The following CLIC5 variants were observed in gnomAD, a reference collection of about 807,000 sequenced individuals.
CLIC5 encodes chloride intracellular channel protein 5.
Under a neutral mutation model 24.7 loss-of-function variants are expected in CLIC5, and 20 were observed. The ratio of observed to expected loss-of-function variants is 0.81; its 90% confidence interval spans 0.57 to 1.18. The LOEUF (loss-of-function observed/expected upper bound fraction) is 1.18. Among genes scored for constraint, CLIC5 ranks in the 50% most tolerant of loss-of-function variants. The pLI, the probability that CLIC5 is intolerant of heterozygous loss-of-function variation, is 0.00. For missense variants in CLIC5, 341 were observed against 326.1 expected, an observed-to-expected ratio of 1.05 and a Z score of -0.35; for synonymous variants, 159 against 135.6, an observed-to-expected ratio of 1.17 and a Z score of -1.20.
chr6:45,933,748 G>A (rs185189691), intron 4 of CLIC5, among the ~76,000 whole-genome samples: 24 of 152,368 alleles, frequency 1.6e-4, no homozygotes, highest in Non-Finnish European at 2.8e-4. Flanking sequence ...CCCATGTGCT[G>A]GGTGGACAGA....
downstream of CLIC5, among the ~76,000 whole-genome samples, chr6:45,898,098 G>T (rs1031567004): frequency 6.6e-6 from 1 of 151,720 alleles, no homozygotes; most frequent in Non-Finnish European, 1.5e-5. Flanking sequence ...AGGGAGTCTC[G>T]CTCTGTCGGT....
chr6:45,949,419 A>G, intron 2 of CLIC5, 38 bp from the exon 3 acceptor site: 1 of 1,599,546 alleles, frequency 6.3e-7, no homozygotes, highest in African/African-American at 1.3e-5. Flanking sequence ...GGCTTACAGC[A>G]GGGTGCTTCC....
intron 1 of CLIC5, among the ~76,000 whole-genome samples, chr6:46,071,126 G>A (rs1475836527): frequency 6.6e-6 from 1 of 152,054 alleles, no homozygotes; most frequent in African/African-American, 2.4e-5. Flanking sequence ...AAAAACCTTG[G>A]AAGACAACCT....
At chr6:46,031,530 A>T (rs185236791) in intron 1 of CLIC5, among the ~76,000 whole-genome samples, 95 of 152,250 alleles carry the variant, frequency 6.2e-4, no homozygotes, top group African/African-American at 2.2e-3. Flanking sequence ...AATTGTGGGT[A>T]AGTCTGCAAT....
At chr6:45,985,491 C>T (rs955517759) in intron 1 of CLIC5, among the ~76,000 whole-genome samples, 4 of 152,130 alleles carry the variant, frequency 2.6e-5, no homozygotes. Context: ...CGATGCAGTG[C>T]AACAGTGAAG....
the CLIC5 span, among the ~76,000 whole-genome samples, chr6:46,109,596 T>C: frequency 6.9e-6 from 1 of 144,808 alleles, no homozygotes; most frequent in African/African-American, 2.6e-5. Flanking sequence ...TCAAAGCAAG[T>C]ATGAATTACA....
chr6:46,109,107 G>T, the CLIC5 span, among the ~76,000 whole-genome samples: 1 of 152,022 alleles, frequency 6.6e-6, no homozygotes, highest in Non-Finnish European at 1.5e-5. Flanking sequence ...ATTGTTGTAT[G>T]CCACTGGAAT....
chr6:45,913,660 G>A, intron 5 of CLIC5: 1 of 579,914 alleles, frequency 1.7e-6, no homozygotes, highest in Non-Finnish European at 2.5e-6. Context: ...TTATATAGGA[G>A]AGGATGACAC....
At chr6:46,099,727 C>A in the CLIC5 span, among the ~76,000 whole-genome samples, 1 of 152,240 alleles carries the variant, frequency 6.6e-6, no homozygotes, top group South Asian at 2.1e-4. Flanking sequence ...AAAATGTATA[C>A]TCTTGCCCAC....
chr6:45,913,861 AG>A, intron 5 of CLIC5: 2 of 1,193,642 alleles, frequency 1.7e-6, no homozygotes, highest in Non-Finnish European at 2.1e-6. Flanking sequence ...ATAGAGCTGT[AG>A]GGGTGTAGCC....
At chr6:45,922,729 G>C (rs1036046932) in intron 4 of CLIC5, among the ~76,000 whole-genome samples, 1 of 151,990 alleles carries the variant, frequency 6.6e-6, no homozygotes, top group South Asian at 2.1e-4. Flanking sequence ...TTAGGTCTTC[G>C]AATTAAGTTT....
chr6:45,941,417 A>T (rs1764126307), intron 4 of CLIC5, 130 bp downstream of exon 4: 4 of 734,356 alleles, frequency 5.4e-6, no homozygotes, highest in Non-Finnish European at 9.7e-6. Flanking sequence ...GGTGGGGGCA[A>T]ATAATAAGCA....
intron 1 of CLIC5, among the ~76,000 whole-genome samples, chr6:46,065,578 A>G (rs1443355151): frequency 6.6e-6 from 1 of 152,216 alleles, no homozygotes; most frequent in African/African-American, 2.4e-5. Context: ...ACAATGGAAT[A>G]CAACTCAGTA....
chr6:46,119,895 C>T, the CLIC5 span, among the ~76,000 whole-genome samples: 1 of 152,302 alleles, frequency 6.6e-6, no homozygotes, highest in South Asian at 2.1e-4. Context: ...GAGGGGTGCC[C>T]ACCACTGTGA....
At position 45,977,930 on chromosome 6, in the gene CLIC5, C is replaced by T. The variant is rs934263422; in HGVS notation, c.64-22686G>A. Among the ~76,000 whole-genome samples the T allele has an allele frequency of 4.6e-5, 7 of 152,306 alleles. 1 individual carries two copies. Among genetic ancestry groups the T allele is most frequent in the African/African-American group, 1.2e-4 (5 of 41,582 alleles). ...GGATGCCCAGTGGGTTTCCACTCAG[C>T]GTCTTTCCCTGTAGCTTGCTGCAGT... On this transcript the variant is annotated intron_variant, in intron 1 of 5. Coordinates refer to ENST00000339561, the MANE Select transcript of CLIC5 (RefSeq NM_016929.5).
intron 5 of CLIC5, chr6:45,911,774 G>C (rs1412013839): frequency 3.0e-6 from 3 of 985,288 alleles, no homozygotes; most frequent in Non-Finnish European, 3.6e-6. Context: ...CACTATGCTA[G>C]GCAAGGATCC....
chr6:45,925,604 C>T (rs138985172), intron 4 of CLIC5, among the ~76,000 whole-genome samples: 10 of 152,332 alleles, frequency 6.6e-5, no homozygotes, highest in Non-Finnish European at 1.0e-4. Flanking sequence ...CATGAGCCGT[C>T]GCGCTCAGCC....
chr6:46,087,698 A>G, the CLIC5 span, among the ~76,000 whole-genome samples: 1 of 152,190 alleles, frequency 6.6e-6, no homozygotes, highest in Non-Finnish European at 1.5e-5. Context: ...CCAGTATAGA[A>G]GAGAAACATC....
chr6:45,939,002 A>T (rs1196015654), intron 4 of CLIC5, among the ~76,000 whole-genome samples: 1 of 152,060 alleles, frequency 6.6e-6, no homozygotes, highest in Non-Finnish European at 1.5e-5. Context: ...ATTTCCTAGG[A>T]CTGTTACAAC....
Sources: allele counts gnomAD v4.1 joint callset (sites outside exome capture counted in the v4.1 genomes callset), GRCh38; gene constraint gnomAD v4.1.1; transcripts MANE v1.5; gene names NCBI Gene and HGNC (gene_info 2026-07-23, HGNC 2026-07-21).